The following CDK8 variants were observed in gnomAD, a reference collection of about 807,000 sequenced individuals.
The protein encoded by CDK8 is cyclin-dependent kinase 8.
A neutral mutation model predicts 71.5 loss-of-function variants in CDK8; 29 were observed. That is an observed-to-expected ratio of 0.41 (90% CI 0.30 to 0.55). CDK8 has a LOEUF of 0.55. Ranked by LOEUF, CDK8 falls within the 20% of genes least tolerant of loss-of-function variation. CDK8 has a pLI of 0.37. For synonymous variants in CDK8, 161 were observed against 192.1 expected (o/e 0.84, Z 1.34); for missense variants, 288 against 572.6 (o/e 0.50, Z 5.07).
intron 9 of CDK8, chr13:26,399,998 G>A (rs960173177): frequency 5.1e-6 from 1 of 196,894 alleles, no homozygotes; most frequent in African/African-American, 2.4e-5. Flanking sequence ...GCCACATTTG[G>A]CTCTTGAAAT....
intron 4 of CDK8, among the ~76,000 whole-genome samples, chr13:26,365,694 A>G (rs1874355241): frequency 6.6e-6 from 1 of 152,110 alleles, no homozygotes; most frequent in South Asian, 2.1e-4. Context: ...ATACATCATT[A>G]TGTATTTTAC....
intron 4 of CDK8, among the ~76,000 whole-genome samples, chr13:26,379,170 A>G (rs1875096151): frequency 6.6e-6 from 1 of 152,218 alleles, no homozygotes; most frequent in South Asian, 2.1e-4. Flanking sequence ...TCATTTCTAA[A>G]TAGTGCTATT....
chr13:26,385,799 G>C (rs1449443527), intron 6 of CDK8, among the ~76,000 whole-genome samples: 1 of 152,038 alleles, frequency 6.6e-6, no homozygotes, highest in African/African-American at 2.4e-5. Flanking sequence ...CTACTACCTA[G>C]AAATACTATC....
chr13:26,262,429 CT>C (rs1871812339), intron 1 of CDK8, among the ~76,000 whole-genome samples: 1 of 152,078 alleles, frequency 6.6e-6, no homozygotes, highest in Non-Finnish European at 1.5e-5. Context: ...GTTTGAAAAT[CT>C]TTTTTCTAAA....
chr13:26,334,232 G>A (rs1217027945), intron 1 of CDK8, among the ~76,000 whole-genome samples: 1 of 152,006 alleles, frequency 6.6e-6, no homozygotes, highest in African/African-American at 2.4e-5. Context: ...AGAAAGTGGT[G>A]GATATTAAGG....
intron 6 of CDK8, 71 bp from the exon 7 acceptor site, chr13:26,393,296 A>G (rs901631610): frequency 4.8e-6 from 5 of 1,047,602 alleles, no homozygotes; most frequent in Middle Eastern, 2.2e-4. Context: ...GAACCACTTT[A>G]TTTTGCACCT....
At chr13:26,264,408 C>A (rs1308149077) in intron 1 of CDK8, among the ~76,000 whole-genome samples, 1 of 152,074 alleles carries the variant, frequency 6.6e-6, no homozygotes, top group Non-Finnish European at 1.5e-5. Flanking sequence ...ACCTTAGCCT[C>A]CCAAGTGGGT....
intron 1 of CDK8, among the ~76,000 whole-genome samples, chr13:26,267,837 A>T (rs1872095369): frequency 6.6e-6 from 1 of 152,142 alleles, no homozygotes; most frequent in African/African-American, 2.4e-5. Context: ...CTCCATGGAG[A>T]CATTTGCCAT....
chr13:26,283,270 C>G (rs1363218004), intron 1 of CDK8, among the ~76,000 whole-genome samples: 5 of 152,208 alleles, frequency 3.3e-5, no homozygotes, highest in African/African-American at 4.8e-5. Context: ...ATGGAACATT[C>G]TCTAAGATAG....
intron 1 of CDK8, among the ~76,000 whole-genome samples, chr13:26,273,266 C>T (rs905150153): frequency 2.0e-5 from 3 of 152,158 alleles, no homozygotes; most frequent in Non-Finnish European, 4.4e-5. Context: ...GCTGGTACTA[C>T]ACTGTCTTCA....
At chr13:26,270,389 C>CAAAA (rs58365823) in intron 1 of CDK8, among the ~76,000 whole-genome samples, 1 of 128,142 alleles carries the variant, frequency 7.8e-6, no homozygotes, top group African/African-American at 2.7e-5. Flanking sequence ...AACTCTGTCT[C>CAAAA]AAAAAAAAAA....
intron 1 of CDK8, among the ~76,000 whole-genome samples, chr13:26,300,106 G>T (rs1873758269): frequency 6.6e-6 from 1 of 152,034 alleles, no homozygotes; most frequent in Non-Finnish European, 1.5e-5. Flanking sequence ...ACCTCAGAAA[G>T]GTTTGAACGG....
rs570599651 is a variant in CDK8 at position 26,332,725 on chromosome 13, C to G, written c.129-4842C>G. 2.0e-5 allele frequency among the ~76,000 whole-genome samples: 3 copies of G among 152,126 alleles called. No homozygotes were observed. In the South Asian group the frequency reaches 6.2e-4, roughly 32 times the overall value. On this transcript the variant is annotated intron_variant, in intron 1 of 12. Transcript: ENST00000381527. ...TTAGCTGTCGGTTTGTTATATATGG[C>G]CTGTATTACTTTGAGCTATATTCCT...
At chr13:26,350,382 C>T (rs1423727448) in intron 3 of CDK8, among the ~76,000 whole-genome samples, 1 of 152,152 alleles carries the variant, frequency 6.6e-6, no homozygotes, top group Non-Finnish European at 1.5e-5. Flanking sequence ...CACCTGTAGT[C>T]CCAACACTTT....
intron 2 of CDK8, among the ~76,000 whole-genome samples, chr13:26,339,756 A>ATATATATATATATATATATATAT (rs57119146): frequency 1.3e-4 from 19 of 142,984 alleles, no homozygotes; most frequent in African/African-American, 4.6e-4. Flanking sequence ...TTAAAAAAAA[A>ATATATATATATATATATATATAT]ATATATATAT....
chr13:26,315,885 C>G (rs1045459763), intron 1 of CDK8, among the ~76,000 whole-genome samples: 2 of 152,168 alleles, frequency 1.3e-5, no homozygotes, highest in African/African-American at 4.8e-5. Context: ...GTTGCACTGG[C>G]GGAATCTGTC....
chr13:26,348,370 C>T (rs1873547513), intron 2 of CDK8, among the ~76,000 whole-genome samples: 2 of 152,116 alleles, frequency 1.3e-5, no homozygotes, highest in Admixed American at 6.6e-5. Flanking sequence ...CACAGGCAAG[C>T]GAGCATTACC....
chr13:26,258,444 T>G (rs9507692), intron 1 of CDK8, among the ~76,000 whole-genome samples: 8,152 of 151,932 alleles, frequency 0.054, 263 homozygotes, highest in South Asian at 0.069. Context: ...TGTAGATATA[T>G]GGGTGTGTCT....
intron 4 of CDK8, among the ~76,000 whole-genome samples, chr13:26,363,245 G>A (rs1248225577): frequency 4.1e-5 from 6 of 147,622 alleles, no homozygotes; most frequent in Admixed American, 2.0e-4. Context: ...GGAGAATGGC[G>A]TGAACCTGGG....
Sources: gnomAD v4.1 joint callset for allele counts (sites outside exome capture counted in the v4.1 genomes callset) on GRCh38, gnomAD v4.1.1 for gene constraint, MANE v1.5 for transcripts, NCBI Gene and HGNC (gene_info 2026-07-23, HGNC 2026-07-21) for gene names.